ULK4: variants seen among roughly 807,000 people sequenced by gnomAD.
The protein encoded by ULK4 is unc-51 like kinase 4, also known as inactive serine/threonine-protein kinase ULK4.
In ULK4, 133 loss-of-function variants were observed where a neutral mutation model predicts 160.6. The ratio of observed to expected loss-of-function variants is 0.83; its 90% CI spans 0.72 to 0.96. ULK4 has a LOEUF of 0.96. Among genes scored for constraint, ULK4 ranks in the 40% least tolerant of loss-of-function variants. ULK4 has a pLI of 0.00. For synonymous variants in ULK4, 534 were observed against 539.8 expected (o/e 0.99, Z 0.15); for missense variants, 1,580 against 1,499.5 (o/e 1.05, Z -0.89).
chr3:41,389,306 G>C, intron 35 of ULK4, among the ~76,000 whole-genome samples: 1 of 152,172 alleles, frequency 6.6e-6, no homozygotes, highest in Non-Finnish European at 1.5e-5. Flanking sequence ...ATACAATCAT[G>C]TCATCTGGAA....
chr3:41,952,988 T>C (rs915648090), intron 2 of ULK4, among the ~76,000 whole-genome samples: 2 of 150,124 alleles, frequency 1.3e-5, no homozygotes, highest in African/African-American at 4.9e-5. Flanking sequence ...TTATATAGAG[T>C]AGTCAAAACC....
chr3:41,312,426 T>C (rs2125721538), intron 35 of ULK4, among the ~76,000 whole-genome samples: 1 of 152,274 alleles, frequency 6.6e-6, no homozygotes, highest in African/African-American at 2.4e-5. Context: ...GGTTTTGATA[T>C]CTAAAATTAC....
intron 35 of ULK4, among the ~76,000 whole-genome samples, chr3:41,357,962 A>G (rs2081059947): frequency 6.6e-6 from 1 of 152,236 alleles, no homozygotes. Flanking sequence ...GAAAACTATT[A>G]GAAACCCATT....
chr3:41,360,416 G>C (rs2081118943), intron 35 of ULK4, among the ~76,000 whole-genome samples: 1 of 152,086 alleles, frequency 6.6e-6, no homozygotes, highest in African/African-American at 2.4e-5. Flanking sequence ...CTATTAGTGG[G>C]TATATACCTA....
chr3:41,281,600 G>A (rs950049729), intron 35 of ULK4, among the ~76,000 whole-genome samples: 1 of 152,016 alleles, frequency 6.6e-6, no homozygotes, highest in Admixed American at 6.6e-5. Flanking sequence ...AAATTCAACA[G>A]CTCTTCATGC....
chr3:41,827,635 T>C (rs2041409207), intron 18 of ULK4, among the ~76,000 whole-genome samples: 1 of 152,006 alleles, frequency 6.6e-6, no homozygotes, highest in Non-Finnish European at 1.5e-5. Context: ...AATAACAGGA[T>C]CTGAAATTGA....
At chr3:41,337,238 T>C (rs943734977) in intron 35 of ULK4, among the ~76,000 whole-genome samples, 1 of 152,226 alleles carries the variant, frequency 6.6e-6, no homozygotes, top group East Asian at 1.9e-4. Context: ...ATAATATACA[T>C]TATATTTCTA....
intron 35 of ULK4, among the ~76,000 whole-genome samples, chr3:41,382,138 A>C (rs918577438): frequency 2.6e-5 from 4 of 152,004 alleles, no homozygotes; most frequent in African/African-American, 7.3e-5. Flanking sequence ...CTTTCTCTCT[A>C]TATTTTTCTT....
At chr3:41,690,577 C>T (rs901219934) in intron 27 of ULK4, among the ~76,000 whole-genome samples, 4 of 151,636 alleles carry the variant, frequency 2.6e-5, no homozygotes, top group African/African-American at 9.7e-5. Context: ...TTTGTTTCTG[C>T]CTCCTTTCCT....
chr3:41,586,083 G>C (rs1028565947), intron 31 of ULK4, among the ~76,000 whole-genome samples: 8 of 152,178 alleles, frequency 5.3e-5, no homozygotes, highest in Non-Finnish European at 8.8e-5. Flanking sequence ...ATGGAAAACA[G>C]TATGGAGGTT....
At chr3:41,543,311 C>T (rs2086755580) in intron 32 of ULK4, among the ~76,000 whole-genome samples, 1 of 151,986 alleles carries the variant, frequency 6.6e-6, no homozygotes. Flanking sequence ...GGAGGTGCAC[C>T]TGAGGATATG....
chr3:41,886,263 G>A lies in ULK4; in HGVS notation c.1578-2311C>T, dbSNP rs150076889. Among the ~76,000 whole-genome samples, 475 of 152,250 alleles carry A rather than the reference G, an allele frequency of 3.1e-3. 1 individual carries two copies. The highest frequency in any genetic ancestry group is 0.011 in the African/African-American group (451 of 41,536). ...ATTAGAGCAAAACTAAAATGTTGTA[G>A]TTACTTATTCATTCATTTACTTGTT... On this transcript the variant is annotated intron_variant, in intron 16 of 36. Transcript: ENST00000301831.
At position 41,901,479 on chromosome 3, in the gene ULK4, CTTTTT is replaced by C. The variant is rs566805860; in HGVS notation, c.1183-655_1183-651del. ...ACAGGCGTGAGCCACCACGCCCAGC[CTTTTT>C]TTTTTTTTTTTTTTGAGATAGAGTC... On this transcript the variant is annotated intron_variant, in intron 12 of 36. Transcript: ENST00000301831. Among the ~76,000 whole-genome samples, 32 of 22,546 alleles carry C rather than the reference CTTTTT, an allele frequency of 1.4e-3. 7 individuals are homozygous for C. Among genetic ancestry groups the C allele is most frequent in the Admixed American group, 5.1e-3 (5 of 986 alleles). 14.8% of individuals were successfully genotyped at this position (22,546 alleles called of 152,430 possible).
intron 30 of ULK4, among the ~76,000 whole-genome samples, chr3:41,638,612 A>G (rs1277126884): frequency 6.6e-6 from 1 of 152,270 alleles, no homozygotes; most frequent in Non-Finnish European, 1.5e-5. Flanking sequence ...ACAGAACATC[A>G]TTTGAAACTC....
At chr3:41,415,291 C>A (rs1192311655) in intron 34 of ULK4, among the ~76,000 whole-genome samples, 1 of 152,162 alleles carries the variant, frequency 6.6e-6, no homozygotes, top group Non-Finnish European at 1.5e-5. Flanking sequence ...CTTTTCTGCT[C>A]TCCCTACTTT....
At chr3:41,709,725 A>G (rs2037024906) in intron 25 of ULK4, among the ~76,000 whole-genome samples, 1 of 152,198 alleles carries the variant, frequency 6.6e-6, no homozygotes, top group Non-Finnish European at 1.5e-5. Flanking sequence ...TTTTCATGAT[A>G]ATTTTATTAA....
chr3:41,752,884 T>G (rs2038678665), intron 22 of ULK4, among the ~76,000 whole-genome samples: 3 of 152,152 alleles, frequency 2.0e-5, no homozygotes, highest in Non-Finnish European at 2.9e-5. Flanking sequence ...AAGAAAAATT[T>G]CATTCAGTTA....
chr3:41,701,937 T>C (rs1256342051), intron 27 of ULK4, among the ~76,000 whole-genome samples: 2 of 151,742 alleles, frequency 1.3e-5, no homozygotes, highest in Non-Finnish European at 2.9e-5. Flanking sequence ...ACCAACCTTA[T>C]ATAGGGAAAA....
chr3:41,550,970 A>G, intron 32 of ULK4, among the ~76,000 whole-genome samples: 1 of 152,026 alleles, frequency 6.6e-6, no homozygotes, highest in East Asian at 1.9e-4. Context: ...AGAAATCAAT[A>G]CCATAAAGAA....
Sources: allele counts gnomAD v4.1 joint callset (sites outside exome capture counted in the v4.1 genomes callset), GRCh38; gene constraint gnomAD v4.1.1; transcripts MANE v1.5; gene names NCBI Gene and HGNC (gene_info 2026-07-23, HGNC 2026-07-21).